Variants in NCOA1 observed in about 807,000 individuals in gnomAD.
NCOA1 encodes nuclear receptor coactivator 1, also known as Hin-2 protein.
A neutral mutation model predicts 150.9 loss-of-function variants in NCOA1; 35 were observed. That is an observed-to-expected ratio of 0.23 (90% confidence interval 0.18 to 0.31). NCOA1 has a LOEUF of 0.31. Among genes scored for constraint, NCOA1 ranks in the 10% least tolerant of loss-of-function variants. The pLI, the probability that NCOA1 is intolerant of heterozygous loss-of-function variation, is 1.00. For missense variants in NCOA1, 1,491 were observed against 1,749.3 expected (o/e 0.85, Z 2.63); for synonymous variants, 590 against 630.0 (o/e 0.94, Z 0.95).
chr2:24,729,928 C>G, intron 17 of NCOA1, 113 bp downstream of exon 17: 1 of 1,139,248 alleles, frequency 8.8e-7, no homozygotes, highest in South Asian at 1.6e-5. Flanking sequence ...CCACTGCAAC[C>G]GCCGCCTCCC....
At chr2:24,700,816 C>T (rs868094520) in intron 11 of NCOA1, among the ~76,000 whole-genome samples, 3 of 152,130 alleles carry the variant, frequency 2.0e-5, no homozygotes, top group Admixed American at 6.5e-5. Flanking sequence ...GACCCCACCC[C>T]GGACTACTGA....
At chr2:24,660,031 T>C (rs1240961352) in intron 5 of NCOA1, among the ~76,000 whole-genome samples, 1 of 152,098 alleles carries the variant, frequency 6.6e-6, no homozygotes, top group Non-Finnish European at 1.5e-5. Flanking sequence ...GGCTCCAGGC[T>C]CGAGAAAGAA....
intron 6 of NCOA1, among the ~76,000 whole-genome samples, chr2:24,666,823 G>T (rs973803198): frequency 6.6e-6 from 1 of 151,946 alleles, no homozygotes; most frequent in African/African-American, 2.4e-5. Context: ...AGTAGAGATG[G>T]GGTTGCACCA....
At chr2:24,664,481 C>T (rs56041442) in intron 5 of NCOA1, among the ~76,000 whole-genome samples, 6,409 of 152,086 alleles carry the variant, frequency 0.042, 202 homozygotes, top group African/African-American at 0.092. Context: ...GAGGCTGAGA[C>T]GGGCGGATCA....
chr2:24,759,831 C>A (rs1324806339), intron 21 of NCOA1, among the ~76,000 whole-genome samples: 2 of 151,868 alleles, frequency 1.3e-5, no homozygotes, highest in East Asian at 3.9e-4. Context: ...AACCTCATTA[C>A]AATTTATTTC....
At chr2:24,573,935 G>A (rs1277969747) in intron 2 of NCOA1, among the ~76,000 whole-genome samples, 2 of 151,600 alleles carry the variant, frequency 1.3e-5, no homozygotes. Context: ...AATGTACTAA[G>A]CACTAAACCT....
intron 2 of NCOA1, among the ~76,000 whole-genome samples, chr2:24,575,582 T>C (rs375683238): frequency 1.8e-4 from 27 of 150,752 alleles, no homozygotes; most frequent in Non-Finnish European, 3.1e-4. Context: ...TTTTCTTTTT[T>C]TTTTTTTTTG....
At chr2:24,502,647 C>A (rs750624814) in intron 1 of NCOA1, among the ~76,000 whole-genome samples, 6 of 152,172 alleles carry the variant, frequency 3.9e-5, no homozygotes, top group Non-Finnish European at 7.4e-5. Context: ...TCCCACTAGT[C>A]TGCCCCAGTA....
intron 7 of NCOA1, among the ~76,000 whole-genome samples, chr2:24,677,028 G>A (rs13028672): frequency 0.84 from 127,949 of 152,176 alleles, 54,667 homozygotes; most frequent in East Asian, 0.99. Flanking sequence ...ATATTAGTCA[G>A]TTTTCACACT....
chr2:24,508,574 T>G (rs1028102296), intron 1 of NCOA1, among the ~76,000 whole-genome samples: 5 of 152,152 alleles, frequency 3.3e-5, no homozygotes, highest in African/African-American at 1.2e-4. Flanking sequence ...TTTTAATGAA[T>G]GAAATGTCTC....
intron 3 of NCOA1, among the ~76,000 whole-genome samples, chr2:24,610,519 AT>A: frequency 1.3e-5 from 2 of 151,106 alleles, no homozygotes; most frequent in South Asian, 4.2e-4. Context: ...TTCCATTATG[AT>A]TTTACTTGTG....
intron 3 of NCOA1, among the ~76,000 whole-genome samples, chr2:24,641,970 A>G (rs1387599856): frequency 1.3e-5 from 2 of 150,316 alleles, no homozygotes; most frequent in Admixed American, 6.6e-5. Context: ...GCCTCTCATC[A>G]ATTACATGCT....
chr2:24,656,262 G>C (rs1670946301), intron 4 of NCOA1, among the ~76,000 whole-genome samples: 1 of 152,116 alleles, frequency 6.6e-6, no homozygotes, highest in Non-Finnish European at 1.5e-5. Flanking sequence ...GTTTAATCCA[G>C]GATTTAAACA....
At chr2:24,527,520 G>A (rs1293691803) in intron 1 of NCOA1, among the ~76,000 whole-genome samples, 3 of 152,098 alleles carry the variant, frequency 2.0e-5, no homozygotes. Flanking sequence ...ATATTCCACT[G>A]TGTATATATA....
intron 20 of NCOA1, among the ~76,000 whole-genome samples, chr2:24,757,689 T>G (rs56167519): frequency 6.6e-6 from 1 of 152,266 alleles, no homozygotes; most frequent in Non-Finnish European, 1.5e-5. Context: ...GAAGATTTAC[T>G]TACATGGAAA....
chr2:24,597,993 TG>T (rs1667952030), intron 3 of NCOA1, among the ~76,000 whole-genome samples: 1 of 152,178 alleles, frequency 6.6e-6, no homozygotes, highest in South Asian at 2.1e-4. Flanking sequence ...GTGTTCTCAT[TG>T]TTCATTTCCC....
chr2:24,669,002 T>A (rs1671566076), intron 6 of NCOA1, among the ~76,000 whole-genome samples: 1 of 152,172 alleles, frequency 6.6e-6, no homozygotes, highest in African/African-American at 2.4e-5. Context: ...ACATATATAT[T>A]AAATATTGGT....
chr2:24,660,488 C>T (rs1027142088), intron 5 of NCOA1, among the ~76,000 whole-genome samples: 2 of 151,712 alleles, frequency 1.3e-5, no homozygotes, highest in Non-Finnish European at 2.9e-5. Context: ...ACACAGGTAT[C>T]TGAGCAATAT....
At chr2:24,564,950 G>C (rs1666437711) in intron 2 of NCOA1, among the ~76,000 whole-genome samples, 1 of 152,100 alleles carries the variant, frequency 6.6e-6, no homozygotes, top group Admixed American at 6.6e-5. Context: ...AGACCTTACT[G>C]ATCATCCTTT....
Sources: allele counts gnomAD v4.1 joint callset (sites outside exome capture counted in the v4.1 genomes callset), GRCh38; gene constraint gnomAD v4.1.1; transcripts MANE v1.5; gene names NCBI Gene and HGNC (gene_info 2026-07-23, HGNC 2026-07-21).